Variants in AGBL1 observed in about 807,000 individuals in gnomAD.
AGBL1 encodes the protein AGBL carboxypeptidase 1.
Under a neutral mutation model 118.9 loss-of-function variants are expected in AGBL1, and 130 were observed. The ratio of observed to expected loss-of-function variants is 1.09; its 90% CI spans 0.95 to 1.26. AGBL1 has a LOEUF of 1.26. Among genes scored for constraint, AGBL1 ranks in the 50% most tolerant of loss-of-function variants. The probability of loss-of-function intolerance (pLI) is 0.00; values close to 1 mark genes in which losing one functional copy is unlikely to be tolerated. For missense variants in AGBL1, 1,584 were observed against 1,298.1 expected (o/e 1.22, Z -3.38); for synonymous variants, 555 against 478.9 (o/e 1.16, Z -2.08).
intron 1 of AGBL1, among the ~76,000 whole-genome samples, chr15:86,106,941 A>T (rs540517104): frequency 6.6e-6 from 1 of 152,318 alleles, no homozygotes; most frequent in African/African-American, 2.4e-5. Context: ...GGCAGTGATC[A>T]ATGTTATTTG....
At chr15:86,455,940 A>G (rs1019970992) in intron 18 of AGBL1, among the ~76,000 whole-genome samples, 28 of 152,070 alleles carry the variant, frequency 1.8e-4, no homozygotes, top group South Asian at 4.1e-4. Context: ...CCATCCATCC[A>G]TCGTTCCATC....
At chr15:86,552,872 A>C (rs1178793874) in intron 20 of AGBL1, among the ~76,000 whole-genome samples, 1 of 152,110 alleles carries the variant, frequency 6.6e-6, no homozygotes, top group Non-Finnish European at 1.5e-5. Context: ...GTAAGTCTGG[A>C]GGCTATGTAG....
chr15:86,756,133 T>C (rs2077935557), intron 22 of AGBL1, among the ~76,000 whole-genome samples: 1 of 149,756 alleles, frequency 6.7e-6, no homozygotes, highest in African/African-American at 2.5e-5. Context: ...GAAGAATGGG[T>C]AATATTAGCA....
chr15:86,879,089 C>T (rs757174188), intron 22 of AGBL1, among the ~76,000 whole-genome samples: 9 of 152,244 alleles, frequency 5.9e-5, no homozygotes, highest in Non-Finnish European at 8.8e-5. Context: ...TCATAGGGCT[C>T]GGGTCAGAGG....
At chr15:86,220,118 A>AT (rs2078258288) in intron 5 of AGBL1, among the ~76,000 whole-genome samples, 1 of 151,850 alleles carries the variant, frequency 6.6e-6, no homozygotes, top group South Asian at 2.1e-4. Context: ...TGCCCAGCTA[A>AT]TTTTTTGTAG....
At chr15:86,090,003 C>A (rs147381571) in intron 1 of AGBL1, among the ~76,000 whole-genome samples, 7 of 152,208 alleles carry the variant, frequency 4.6e-5, no homozygotes, top group African/African-American at 1.4e-4. Context: ...TGTCAGGAAC[C>A]CCTCACATTT....
At chr15:86,800,903 G>A (rs188572681) in intron 22 of AGBL1, among the ~76,000 whole-genome samples, 6 of 152,246 alleles carry the variant, frequency 3.9e-5, no homozygotes, top group Non-Finnish European at 5.9e-5. Context: ...AGCAGTTGCT[G>A]AGTTAGGTTA....
intron 22 of AGBL1, among the ~76,000 whole-genome samples, chr15:86,867,585 A>G (rs2079650094): frequency 6.6e-6 from 1 of 152,202 alleles, no homozygotes; most frequent in Non-Finnish European, 1.5e-5. Flanking sequence ...TACTTGAAAT[A>G]GAAACATGTC....
intron 17 of AGBL1, among the ~76,000 whole-genome samples, chr15:86,341,930 A>G (rs2080467705): frequency 6.6e-6 from 1 of 152,152 alleles, no homozygotes; most frequent in South Asian, 2.1e-4. Context: ...GTCCTTCCAG[A>G]GTGAATAAGA....
At position 86,861,647 on chromosome 15, in the gene AGBL1, A is replaced by G. The variant is rs113631129; in HGVS notation, c.3159-45440A>G. On this transcript the variant is annotated intron_variant, in intron 22 of 22. Coordinates refer to ENST00000614907, the MANE Select transcript of AGBL1 (RefSeq NM_001386094.1). ...TTCACAGAGCTGTTGTAAGGATAAA[A>G]CAATATATTAGGTATTTAATATGTG... 3.9e-5 allele frequency among the ~76,000 whole-genome samples: 6 copies of G among 152,314 alleles called. 2 individuals are homozygous for G. The highest frequency in any genetic ancestry group is 1.4e-4 in the African/African-American group (6 of 41,568).
At chr15:87,019,101 G>A (rs1490754293) in intron 24 of AGBL1, among the ~76,000 whole-genome samples, 1 of 152,066 alleles carries the variant, frequency 6.6e-6, no homozygotes, top group Non-Finnish European at 1.5e-5. Context: ...CTCAATACAT[G>A]AGCACCCAAG....
chr15:86,589,943 T>A (rs1328367083), intron 21 of AGBL1, among the ~76,000 whole-genome samples: 1 of 152,168 alleles, frequency 6.6e-6, no homozygotes, highest in African/African-American at 2.4e-5. Flanking sequence ...CTCTACATAT[T>A]CTCTTACATA....
chr15:86,421,950 G>T (rs982102102), intron 18 of AGBL1, among the ~76,000 whole-genome samples: 2 of 152,130 alleles, frequency 1.3e-5, no homozygotes, highest in South Asian at 2.1e-4. Flanking sequence ...GATTCATAAA[G>T]CATGTTCTTA....
intron 5 of AGBL1, among the ~76,000 whole-genome samples, chr15:86,167,562 T>G (rs1171197002): frequency 1.3e-5 from 2 of 152,228 alleles, no homozygotes; most frequent in African/African-American, 4.8e-5. Flanking sequence ...CTGATATTTC[T>G]AATAGAATTC....
chr15:86,501,346 T>C (rs2082915386), intron 18 of AGBL1, among the ~76,000 whole-genome samples: 1 of 151,638 alleles, frequency 6.6e-6, no homozygotes, highest in African/African-American at 2.4e-5. Flanking sequence ...AGCCTTTGAT[T>C]GGATTGTTTG....
intron 1 of AGBL1, among the ~76,000 whole-genome samples, chr15:86,118,491 T>C (rs28668228): frequency 0.71 from 107,297 of 151,282 alleles, 39,013 homozygotes; most frequent in African/African-American, 0.85. Flanking sequence ...AAAAAGGCAA[T>C]GAGAAGTTGC....
intron 21 of AGBL1, among the ~76,000 whole-genome samples, chr15:86,633,072 T>C (rs559586631): frequency 2.2e-4 from 33 of 152,226 alleles, no homozygotes; most frequent in African/African-American, 7.7e-4. Context: ...TAAAAATAAA[T>C]CTACACTTAG....
At chr15:86,545,401 A>T (rs58763315) in intron 19 of AGBL1, among the ~76,000 whole-genome samples, 177 of 151,930 alleles carry the variant, frequency 1.2e-3, no homozygotes, top group African/African-American at 3.9e-3. Context: ...TTTTATTTTA[A>T]TTTTTTTTAA....
chr15:86,199,532 G>C (rs368339817), intron 5 of AGBL1, among the ~76,000 whole-genome samples: 2 of 152,306 alleles, frequency 1.3e-5, no homozygotes, highest in East Asian at 3.9e-4. Context: ...GTCCCCGTCT[G>C]GTCCTCGTGC....
Sources: gnomAD v4.1 joint callset for allele counts (sites outside exome capture counted in the v4.1 genomes callset) on GRCh38, gnomAD v4.1.1 for gene constraint, MANE v1.5 for transcripts, NCBI Gene and HGNC (gene_info 2026-07-23, HGNC 2026-07-21) for gene names.